DNAAF9: variants seen among roughly 807,000 people sequenced by gnomAD.
The protein encoded by DNAAF9 is dynein axonemal assembly factor 9.
DNAAF9 carries 90 observed loss-of-function variants against 167.0 expected under a neutral mutation model. The observed-to-expected ratio is 0.54, with a 90% CI of 0.45 to 0.64. The LOEUF is 0.64. Ranked by LOEUF, DNAAF9 falls within the 30% of genes least tolerant of loss-of-function variation. The probability of loss-of-function intolerance (pLI) is 0.00; values close to 1 mark genes in which losing one functional copy is unlikely to be tolerated. For synonymous variants in DNAAF9, 491 were observed against 508.8 expected, an observed-to-expected ratio of 0.96 and a Z score of 0.47; for missense variants, 1,315 against 1,442.2, an observed-to-expected ratio of 0.91 and a Z score of 1.43.
intron 1 of DNAAF9, 29 bp downstream of exon 1, chr20:3,407,446 C>A: frequency 2.3e-6 from 3 of 1,285,938 alleles, no homozygotes; most frequent in Non-Finnish European, 2.9e-6. Flanking sequence ...CCCGCCCGGC[C>A]GCCCCTCGGC....
intron 14 of DNAAF9, among the ~76,000 whole-genome samples, chr20:3,323,829 C>T (rs1375287303): frequency 1.3e-5 from 2 of 152,142 alleles, no homozygotes. Flanking sequence ...AAGAGAATAC[C>T]CCACTGTGAC....
intron 7 of DNAAF9, among the ~76,000 whole-genome samples, chr20:3,352,407 T>C (rs1411030913): frequency 6.6e-6 from 1 of 152,210 alleles, no homozygotes; most frequent in Non-Finnish European, 1.5e-5. Flanking sequence ...TTCTGGACTC[T>C]GGAGATAAAT....
intron 21 of DNAAF9, 150 bp from the exon 22 acceptor site, chr20:3,298,325 A>G (rs748942684): frequency 6.4e-5 from 43 of 668,998 alleles, no homozygotes; most frequent in Middle Eastern, 5.3e-4. Flanking sequence ...TGCTTTACTT[A>G]TAGGAGATAT....
chr20:3,279,933 T>C (rs985647101), intron 28 of DNAAF9, among the ~76,000 whole-genome samples: 3 of 152,198 alleles, frequency 2.0e-5, no homozygotes, highest in African/African-American at 7.2e-5. Context: ...TTCGCAACAC[T>C]GGGGGAGTTT....
At chr20:3,367,687 T>C (rs996366784) in intron 6 of DNAAF9, among the ~76,000 whole-genome samples, 1 of 152,150 alleles carries the variant, frequency 6.6e-6, no homozygotes, top group African/African-American at 2.4e-5. Context: ...TTTAAGTTCA[T>C]CATCTCATAT....
chr20:3,291,945 G>A (rs574249709), intron 25 of DNAAF9, among the ~76,000 whole-genome samples: 26 of 151,206 alleles, frequency 1.7e-4, no homozygotes, highest in South Asian at 6.3e-4. Context: ...CCCTCAAATC[G>A]CAGCACATGT....
At chr20:3,360,812 A>G (rs771319085) in intron 6 of DNAAF9, among the ~76,000 whole-genome samples, 2 of 152,248 alleles carry the variant, frequency 1.3e-5, no homozygotes, top group Non-Finnish European at 2.9e-5. Flanking sequence ...AGCAAAAGCC[A>G]TTACATGAAA....
chr20:3,363,493 G>GA (rs1372018054), intron 6 of DNAAF9, among the ~76,000 whole-genome samples: 4 of 114,864 alleles, frequency 3.5e-5, no homozygotes, highest in Non-Finnish European at 5.6e-5. Flanking sequence ...AAATAAAAAC[G>GA]AAAAAAAAGA....
At chr20:3,379,340 G>T (rs548969065) in intron 3 of DNAAF9, among the ~76,000 whole-genome samples, 1 of 151,912 alleles carries the variant, frequency 6.6e-6, no homozygotes, top group Admixed American at 6.6e-5. Context: ...AGGCTGGTGC[G>T]GTGGCTCATG....
intron 8 of DNAAF9, among the ~76,000 whole-genome samples, chr20:3,346,791 G>A (rs1395624853): frequency 4.6e-5 from 7 of 151,998 alleles, no homozygotes; most frequent in Non-Finnish European, 1.0e-4. Context: ...TATACCTTGT[G>A]GAATCTCTTT....
At chr20:3,391,762 T>C (rs2083830770) in intron 1 of DNAAF9, among the ~76,000 whole-genome samples, 2 of 152,006 alleles carry the variant, frequency 1.3e-5, no homozygotes, top group African/African-American at 4.8e-5. Flanking sequence ...GTATTTTTAG[T>C]AGAGACAGGT....
intron 1 of DNAAF9, among the ~76,000 whole-genome samples, chr20:3,390,518 C>T (rs901625785): frequency 1.3e-5 from 2 of 152,052 alleles, no homozygotes; most frequent in Non-Finnish European, 2.9e-5. Flanking sequence ...GCGTGTGCCA[C>T]CATGCCCAGC....
intron 36 of DNAAF9, among the ~76,000 whole-genome samples, chr20:3,253,303 C>T (rs1011580208): frequency 3.3e-5 from 5 of 152,110 alleles, no homozygotes; most frequent in East Asian, 1.9e-4. Context: ...TAGCCGGGCA[C>T]GGCGGCAGGC....
chr20:3,297,926 C>G (rs1006343777), intron 22 of DNAAF9, 103 bp downstream of exon 22: 1 of 895,034 alleles, frequency 1.1e-6, no homozygotes, highest in African/African-American at 1.6e-5. Flanking sequence ...CTAACTCTCC[C>G]TCTCATCACT....
At position 3,407,631 on chromosome 20, in the gene DNAAF9, G is replaced by C; in HGVS notation, c.-74C>G. 2.5e-6 allele frequency: 3 copies of C among 1,179,504 alleles called. No individual in the cohort carries two copies. The highest frequency in any genetic ancestry group is 3.1e-6 in the Non-Finnish European group (3 of 954,470). The allele number at this position is 1,179,504 out of a possible 1,614,324, so 73.1% of individuals were successfully genotyped here. On this transcript the variant is annotated 5_prime_UTR_variant, in exon 1 of 37. Transcript: ENST00000252032. ...TCAGTTGCCCGCAGGGCGGCTCCAC[G>C]CTAGCTGCGGCCGGGCGGGGCGGCA...
At chr20:3,343,843 G>A in intron 8 of DNAAF9, 112 bp from the exon 9 acceptor site, 1 of 381,376 alleles carries the variant, frequency 2.6e-6, no homozygotes, top group Non-Finnish European at 4.6e-6. Flanking sequence ...TGCACAGCGT[G>A]TGTGTGTGTG....
intron 30 of DNAAF9, among the ~76,000 whole-genome samples, chr20:3,269,474 T>A (rs77240311): frequency 0.062 from 9,437 of 152,078 alleles, 372 homozygotes; most frequent in Middle Eastern, 0.082. Context: ...AGTGCTGGGA[T>A]TACAGGTTGA....
intron 13 of DNAAF9, among the ~76,000 whole-genome samples, chr20:3,325,839 C>T (rs1272802365): frequency 6.6e-6 from 1 of 150,626 alleles, no homozygotes; most frequent in African/African-American, 2.4e-5. Flanking sequence ...ACTTACCAAA[C>T]TTTATTAGAT....
chr20:3,392,525 G>C (rs1600917250), intron 1 of DNAAF9, among the ~76,000 whole-genome samples: 2 of 152,208 alleles, frequency 1.3e-5, no homozygotes, highest in African/African-American at 4.8e-5. Context: ...CCCTGACTCT[G>C]AACTTTTTCT....
Sources: gnomAD v4.1 joint callset for allele counts (sites outside exome capture counted in the v4.1 genomes callset) on GRCh38, gnomAD v4.1.1 for gene constraint, MANE v1.5 for transcripts, NCBI Gene and HGNC (gene_info 2026-07-23, HGNC 2026-07-21) for gene names.